Variants in CUX1 observed in about 807,000 individuals in gnomAD.
The protein encoded by CUX1 is protein CASP.
CUX1 carries 31 observed loss-of-function variants against 158.8 expected under a neutral mutation model. The ratio of observed to expected loss-of-function variants is 0.20; its 90% CI spans 0.15 to 0.26. CUX1 has a LOEUF of 0.26. Among genes scored for constraint, CUX1 ranks in the 10% least tolerant of loss-of-function variants. The pLI is 1.00. For synonymous variants in CUX1, 879 were observed against 862.1 expected (o/e 1.02, Z -0.34); for missense variants, 1,589 against 2,014.6 (o/e 0.79, Z 4.04).
chr7:102,221,761 A>G (rs979373925), intron 20 of CUX1, among the ~76,000 whole-genome samples: 1 of 139,692 alleles, frequency 7.2e-6, no homozygotes, highest in Non-Finnish European at 1.6e-5. Context: ...AAAAAAAAAA[A>G]TTAATTCACA....
chr7:101,830,044 C>T (rs1793806471), intron 1 of CUX1, among the ~76,000 whole-genome samples: 2 of 152,208 alleles, frequency 1.3e-5, no homozygotes, highest in South Asian at 2.1e-4. Flanking sequence ...GATGGGGTGT[C>T]TCTTTACAAG....
intron 4 of CUX1, among the ~76,000 whole-genome samples, chr7:102,073,170 T>C (rs1585537844): frequency 2.7e-5 from 2 of 73,162 alleles, no homozygotes; most frequent in Middle Eastern, 6.5e-3. Flanking sequence ...TCTTTCTTTT[T>C]TTTTTTTTTT....
At chr7:101,907,798 C>T (rs1053517031) in intron 1 of CUX1, among the ~76,000 whole-genome samples, 1 of 152,108 alleles carries the variant, frequency 6.6e-6, no homozygotes, top group Non-Finnish European at 1.5e-5. Flanking sequence ...GGTCTCATTA[C>T]TGGAGGGGAA....
intron 3 of CUX1, among the ~76,000 whole-genome samples, chr7:102,051,898 A>G (rs1390670798): frequency 6.6e-6 from 1 of 151,788 alleles, no homozygotes; most frequent in Non-Finnish European, 1.5e-5. Flanking sequence ...ATTCCAGAAC[A>G]TTTTCGTCAG....
chr7:101,868,427 T>C (rs1798146533), intron 1 of CUX1, among the ~76,000 whole-genome samples: 1 of 152,174 alleles, frequency 6.6e-6, no homozygotes, highest in African/African-American at 2.4e-5. Context: ...GGTAGAGTCT[T>C]GTACTTGCTG....
intron 2 of CUX1, among the ~76,000 whole-genome samples, chr7:102,024,325 C>T (rs1209326363): frequency 2.0e-5 from 3 of 152,028 alleles, no homozygotes; most frequent in Non-Finnish European, 4.4e-5. Context: ...CCTTGTTAAG[C>T]CTTTTTTTGT....
downstream of CUX1, among the ~76,000 whole-genome samples, chr7:102,260,465 G>A (rs1160700356): frequency 6.9e-6 from 1 of 145,706 alleles, no homozygotes; most frequent in African/African-American, 2.5e-5. Flanking sequence ...GGAGTGCAAT[G>A]GTACAATCTC....
At chr7:101,908,515 G>A (rs1803025653) in intron 1 of CUX1, among the ~76,000 whole-genome samples, 1 of 152,076 alleles carries the variant, frequency 6.6e-6, no homozygotes, top group Non-Finnish European at 1.5e-5. Flanking sequence ...CACTGTGTTG[G>A]CCAGGCTGGT....
At chr7:102,115,528 ATAT>A in intron 8 of CUX1, 1 of 388,378 alleles carries the variant, frequency 2.6e-6, no homozygotes, top group Non-Finnish European at 4.5e-6. Context: ...GAGTTAGTTT[ATAT>A]AAGATGTGAC....
chr7:102,006,967 G>A (rs953088487), intron 2 of CUX1, among the ~76,000 whole-genome samples: 2 of 152,156 alleles, frequency 1.3e-5, no homozygotes, highest in African/African-American at 4.8e-5. Flanking sequence ...TGTAGATTTC[G>A]CCAGCGCGGG....
rs1040241203 is a variant in CUX1 at position 102,253,196 on chromosome 7, C to T, written c.*4154C>T. ...ACGTTCAGGTCTGCTGGTTGGCGGT[C>T]CGGGCCCAGAGTGCAGCAGAGCTCT... On this transcript the variant is annotated 3_prime_UTR_variant, in exon 24 of 24. Coordinates refer to ENST00000292535, the MANE Select transcript of CUX1 (RefSeq NM_181552.4). 9.1e-6 allele frequency: 9 copies of T among 985,360 alleles called. No homozygotes were observed. Among genetic ancestry groups the T allele is most frequent in the Non-Finnish European group, 1.1e-5 (9 of 829,984 alleles). The allele number at this position is 985,360 out of a possible 1,614,324, so 61.0% of individuals were successfully genotyped here.
At chr7:102,177,112 C>A (rs1055882134) in intron 10 of CUX1, among the ~76,000 whole-genome samples, 1 of 151,872 alleles carries the variant, frequency 6.6e-6, no homozygotes, top group Admixed American at 6.6e-5. Context: ...TCTTTTAATT[C>A]TTTTATTAAA....
intron 1 of CUX1, chr7:101,824,637 C>T (rs1404355660): frequency 2.0e-5 from 3 of 152,202 alleles, no homozygotes; most frequent in African/African-American, 7.2e-5. Context: ...GCCTAGCCTC[C>T]GGGTGTTACC....
intron 2 of CUX1, among the ~76,000 whole-genome samples, chr7:101,971,005 C>G (rs1342995727): frequency 6.6e-6 from 1 of 152,188 alleles, no homozygotes; most frequent in Non-Finnish European, 1.5e-5. Context: ...TCTTAGGCAC[C>G]TGCTTTGAAC....
At chr7:102,277,254 G>A (rs973888649) in intron 17 of CUX1, among the ~76,000 whole-genome samples, 1 of 151,978 alleles carries the variant, frequency 6.6e-6, no homozygotes, top group African/African-American at 2.4e-5. Flanking sequence ...CTCTGGTCAT[G>A]CCACTTTATT....
chr7:101,899,066 G>A (rs1015276060), intron 1 of CUX1, among the ~76,000 whole-genome samples: 1 of 152,248 alleles, frequency 6.6e-6, no homozygotes, highest in East Asian at 1.9e-4. Context: ...TGGCTGGAGA[G>A]CATCACCAAG....
rs1291501884 is a variant in CUX1, at chr7:102,081,378, C to T, written c.268+10961C>T. Among the ~76,000 whole-genome samples, 5 of 133,260 alleles carry T rather than the reference C, an allele frequency of 3.8e-5. 1 individual carries two copies. The South Asian group carries it at 9.6e-4, about 25-fold the overall frequency. 87.4% of individuals were successfully genotyped at this position (133,260 alleles called of 152,430 possible). A position where few individuals can be genotyped will look rare whatever the true frequency, so the allele number is the denominator to read the frequency against. On this transcript the variant is annotated intron_variant, in intron 4 of 23. Transcript: ENST00000292535. Reference sequence around the variant, plus strand: ...ACCTCAAATTGTAATCTCCACATGTCGAGGGAGGTGATTGGATCATGGGGG... The same window carrying T: ...ACCTCAAATTGTAATCTCCACATGTTGAGGGAGGTGATTGGATCATGGGGG...
At chr7:102,079,005 C>T (rs1425548473) in intron 4 of CUX1, among the ~76,000 whole-genome samples, 2 of 152,154 alleles carry the variant, frequency 1.3e-5, no homozygotes, top group Non-Finnish European at 1.5e-5. Flanking sequence ...AATAAAATAG[C>T]AGTCTGGTTC....
chr7:102,093,725 A>G (rs1828895794), intron 4 of CUX1, among the ~76,000 whole-genome samples: 1 of 152,240 alleles, frequency 6.6e-6, no homozygotes, highest in Non-Finnish European at 1.5e-5. Flanking sequence ...CCTGTGTTGC[A>G]TAACAAGCTA....
Sources: gnomAD v4.1 joint callset for allele counts (sites outside exome capture counted in the v4.1 genomes callset) on GRCh38, gnomAD v4.1.1 for gene constraint, MANE v1.5 for transcripts, NCBI Gene and HGNC (gene_info 2026-07-23, HGNC 2026-07-21) for gene names.